Variants in CDA observed in about 807,000 individuals in gnomAD.
The protein encoded by CDA is cytidine deaminase.
CDA carries 7 observed loss-of-function variants against 15.0 expected under a neutral mutation model. That is an observed-to-expected ratio of 0.47 (90% CI 0.26 to 0.87). CDA has a LOEUF of 0.87. CDA is among the 40% of genes least tolerant of loss of function. The pLI is 0.15. For synonymous variants in CDA, 58 were observed against 73.0 expected (o/e 0.79, Z 1.05); for missense variants, 159 against 182.7 (o/e 0.87, Z 0.75).
intron 1 of CDA, among the ~76,000 whole-genome samples, chr1:20,602,245 C>T (rs2154532284): frequency 6.6e-6 from 1 of 152,100 alleles, no homozygotes; most frequent in South Asian, 2.1e-4. Context: ...GCTTATTTCC[C>T]TCATCTAACA....
chr1:20,606,823 C>A (rs1161452616), intron 2 of CDA, among the ~76,000 whole-genome samples: 2 of 152,196 alleles, frequency 1.3e-5, no homozygotes, highest in African/African-American at 4.8e-5. Flanking sequence ...TGGCCCTAGA[C>A]TCAGTGGTTT....
At chr1:20,616,398 C>A (rs982302014) in intron 3 of CDA, among the ~76,000 whole-genome samples, 1 of 152,138 alleles carries the variant, frequency 6.6e-6, no homozygotes, top group Non-Finnish European at 1.5e-5. Flanking sequence ...GATGCAGACA[C>A]TTCCATCTTC....
chr1:20,613,761 C>T (rs1570387151), intron 2 of CDA, 81 bp from the exon 3 acceptor site: 2 of 1,324,656 alleles, frequency 1.5e-6, no homozygotes, highest in East Asian at 2.3e-5. Flanking sequence ...AGGAACAGAC[C>T]GAGTCTCAGG....
intron 2 of CDA, among the ~76,000 whole-genome samples, chr1:20,612,489 C>A (rs2052761025): frequency 6.6e-6 from 1 of 151,932 alleles, no homozygotes; most frequent in Non-Finnish European, 1.5e-5. Flanking sequence ...GGTCTCCCCA[C>A]CCTGCACCGT....
At chr1:20,590,747 G>A (rs1044365904) in intron 1 of CDA, among the ~76,000 whole-genome samples, 3 of 152,208 alleles carry the variant, frequency 2.0e-5, no homozygotes, top group African/African-American at 7.2e-5. Flanking sequence ...CGTAGCACCT[G>A]CCTGGCTCAG....
chr1:20,606,653 A>C (rs945193629), intron 2 of CDA, among the ~76,000 whole-genome samples: 3 of 152,154 alleles, frequency 2.0e-5, no homozygotes, highest in African/African-American at 7.2e-5. Flanking sequence ...GGATACAAAA[A>C]CAGTCAGGTA....
intron 1 of CDA, 47 bp from the exon 2 acceptor site, chr1:20,604,880 AG>A: frequency 8.1e-7 from 1 of 1,237,832 alleles, no homozygotes; most frequent in Non-Finnish European, 1.2e-6. Flanking sequence ...CACACGCAAC[AG>A]GAAGTGTCTC....
At chr1:20,599,265 G>A (rs1407895436) in intron 1 of CDA, among the ~76,000 whole-genome samples, 1 of 152,210 alleles carries the variant, frequency 6.6e-6, no homozygotes. Context: ...TGCGAGCCAA[G>A]AGGTAGCACC....
At chr1:20,592,890 C>T (rs1293276999) in intron 1 of CDA, among the ~76,000 whole-genome samples, 2 of 152,090 alleles carry the variant, frequency 1.3e-5, no homozygotes, top group African/African-American at 2.4e-5. Flanking sequence ...TCCAGGAGTT[C>T]GAGACCAGCC....
chr1:20,602,457 T>A (rs1326772114), intron 1 of CDA, among the ~76,000 whole-genome samples: 1 of 151,846 alleles, frequency 6.6e-6, no homozygotes, highest in Non-Finnish European at 1.5e-5. Flanking sequence ...GGAGTCTCAC[T>A]CTGTCGCCCA....
At chr1:20,601,395 A>G (rs2052642653) in intron 1 of CDA, among the ~76,000 whole-genome samples, 2 of 152,246 alleles carry the variant, frequency 1.3e-5, no homozygotes, top group Admixed American at 6.5e-5. Context: ...TGGGGAATAA[A>G]GTAAGAGTCA....
chr1:20,613,750 C>T, intron 2 of CDA, 92 bp from the exon 3 acceptor site: 1 of 1,236,106 alleles, frequency 8.1e-7, no homozygotes, highest in Non-Finnish European at 1.2e-6. Context: ...TGACCCAAAT[C>T]AGGAACAGAC....
intron 3 of CDA, among the ~76,000 whole-genome samples, chr1:20,615,596 G>T (rs1278628181): frequency 6.6e-6 from 1 of 152,042 alleles, no homozygotes; most frequent in Non-Finnish European, 1.5e-5. Flanking sequence ...GGGGAAAGGG[G>T]AATGTCAGTA....
intron 1 of CDA, among the ~76,000 whole-genome samples, chr1:20,597,142 A>G (rs2052598651): frequency 6.6e-6 from 1 of 152,104 alleles, no homozygotes; most frequent in Non-Finnish European, 1.5e-5. Context: ...CCTTCCTGCA[A>G]GGCCATAGAG....
In CDA at chr1:20,618,136, C is replaced by T. The variant is rs113775373; in HGVS notation, c.325-316C>T. On this transcript the variant is annotated intron_variant, in intron 3 of 3. Transcript: ENST00000375071. ...GTGTAAAGGGGATACTGAAGGGAAG[C>T]GGGTGTTAGTTGTCATTTGTCATAG... Among the ~76,000 whole-genome samples the T allele has an allele frequency of 1.7e-3, 253 of 151,286 alleles. 1 individual carries two copies. The highest frequency in any genetic ancestry group is 5.5e-3 in the African/African-American group (228 of 41,132).
intron 1 of CDA, among the ~76,000 whole-genome samples, chr1:20,599,006 A>G (rs1213914556): frequency 6.6e-6 from 1 of 152,230 alleles, no homozygotes; most frequent in Non-Finnish European, 1.5e-5. Context: ...AAGAAAATTA[A>G]AGCAGGAGAA....
Position 20,589,301 on chromosome 1 carries a change from A to C in CDA, c.154+18A>C. 6.2e-7 allele frequency: 1 copy of C among 1,611,990 alleles called. No individual in the cohort carries two copies. The highest frequency in any genetic ancestry group is 8.5e-7 in the Non-Finnish European group (1 of 1,178,730). On this transcript the variant is annotated intron_variant, in intron 1 of 3. Transcript: ENST00000375071. ...CTTCAAAGGTAAAGGTGGGCACCCC[A>C]GGGTCCCCCAGCCCAGCAGCCTGGG...
intron 3 of CDA, among the ~76,000 whole-genome samples, chr1:20,616,444 T>G (rs570585551): frequency 2.0e-5 from 3 of 152,054 alleles, no homozygotes; most frequent in Non-Finnish European, 4.4e-5. Context: ...ATCAGACACA[T>G]TTCCCAAATC....
At chr1:20,607,342 T>A (rs1467687794) in intron 2 of CDA, among the ~76,000 whole-genome samples, 2 of 152,176 alleles carry the variant, frequency 1.3e-5, no homozygotes, top group African/African-American at 4.8e-5. Context: ...CAGTATCCGA[T>A]AGCCTTCCCT....
Sources: allele counts gnomAD v4.1 joint callset (sites outside exome capture counted in the v4.1 genomes callset), GRCh38; gene constraint gnomAD v4.1.1; transcripts MANE v1.5; gene names NCBI Gene and HGNC (gene_info 2026-07-23, HGNC 2026-07-21).